Variants in HOMER1 observed in about 807,000 individuals in gnomAD.
HOMER1 encodes the protein homer scaffold protein 1, also known as homer protein homolog 1.
In HOMER1, 3 loss-of-function variants were observed where a neutral mutation model predicts 48.9. The observed-to-expected ratio is 0.06, with a 90% CI of 0.03 to 0.16. The LOEUF is 0.16. Among genes scored for constraint, HOMER1 ranks in the 10% least tolerant of loss-of-function variants. The pLI, the probability that HOMER1 is intolerant of heterozygous loss-of-function variation, is 1.00. For missense variants in HOMER1, 247 were observed against 411.4 expected (o/e 0.60, Z 3.46); for synonymous variants, 134 against 146.4 (o/e 0.92, Z 0.61).
At chr5:79,489,015 G>C (rs1752196309) in intron 1 of HOMER1, among the ~76,000 whole-genome samples, 1 of 152,148 alleles carries the variant, frequency 6.6e-6, no homozygotes, top group Non-Finnish European at 1.5e-5. Context: ...TTAATAATTT[G>C]AGTACCTAGT....
chr5:79,390,277 C>A (rs902316085), intron 8 of HOMER1, among the ~76,000 whole-genome samples: 3 of 151,940 alleles, frequency 2.0e-5, no homozygotes, highest in Non-Finnish European at 4.4e-5. Context: ...CAGAGTGAGA[C>A]TCTGTCTCAA....
chr5:79,429,805 C>G (rs1202022087), intron 5 of HOMER1, among the ~76,000 whole-genome samples: 1 of 152,112 alleles, frequency 6.6e-6, no homozygotes, highest in Non-Finnish European at 1.5e-5. Context: ...AGGTGGATCA[C>G]GAGGTCAGGA....
chr5:79,464,174 A>T (rs183695230), intron 1 of HOMER1, among the ~76,000 whole-genome samples: 2 of 152,288 alleles, frequency 1.3e-5, no homozygotes, highest in East Asian at 3.9e-4. Flanking sequence ...AAGACTGCCA[A>T]AGAATCAAAG....
intron 2 of HOMER1, among the ~76,000 whole-genome samples, chr5:79,454,656 A>C (rs1163391118): frequency 6.6e-6 from 1 of 152,232 alleles, no homozygotes; most frequent in Non-Finnish European, 1.5e-5. Flanking sequence ...TTAGTTACTT[A>C]TGTACAAGAC....
chr5:79,492,172 TAAC>T (rs1752295776), intron 1 of HOMER1, among the ~76,000 whole-genome samples: 2 of 152,230 alleles, frequency 1.3e-5, no homozygotes, highest in African/African-American at 4.8e-5. Context: ...AGGCCTCTTT[TAAC>T]TACTTCTGTC....
intron 1 of HOMER1, among the ~76,000 whole-genome samples, chr5:79,493,475 T>C (rs1752343307): frequency 1.3e-5 from 2 of 152,146 alleles, no homozygotes; most frequent in Non-Finnish European, 2.9e-5. Flanking sequence ...TGTTCACAGA[T>C]CTCATATACT....
intron 1 of HOMER1, among the ~76,000 whole-genome samples, chr5:79,492,810 AT>A (rs1393155388): frequency 6.6e-6 from 1 of 151,798 alleles, no homozygotes; most frequent in Non-Finnish European, 1.5e-5. Context: ...GGAAAAAGTG[AT>A]ACGTATATTA....
At chr5:79,486,332 G>C (rs1354579240) in intron 1 of HOMER1, among the ~76,000 whole-genome samples, 1 of 152,066 alleles carries the variant, frequency 6.6e-6, no homozygotes, top group Non-Finnish European at 1.5e-5. Context: ...TGTTGCAAGA[G>C]AGACAATGAG....
chr5:79,451,235 A>G lies in HOMER1; in HGVS notation c.163-114T>C, dbSNP rs575187288. ...GATTATCAATAAGCCACAACGTTAA[A>G]TACATAAAGATAGTTACAGAAATAG... On this transcript the variant is annotated intron_variant, in intron 2 of 8. Coordinates refer to ENST00000334082, the MANE Select transcript of HOMER1 (RefSeq NM_004272.5). 2.0e-4 allele frequency: 192 copies of G among 948,700 alleles called. 1 individual carries two copies. In the East Asian group the frequency reaches 4.0e-3, roughly 20 times the overall value. The allele number at this position is 948,700 out of a possible 1,614,324, so 58.8% of individuals were successfully genotyped here.
intron 5 of HOMER1, among the ~76,000 whole-genome samples, chr5:79,428,164 T>C (rs1288063257): frequency 6.6e-6 from 1 of 152,210 alleles, no homozygotes; most frequent in East Asian, 1.9e-4. Flanking sequence ...CATATTGCTC[T>C]ATTTGTCAAT....
intron 3 of HOMER1, among the ~76,000 whole-genome samples, chr5:79,447,445 G>A (rs1184065573): frequency 6.6e-6 from 1 of 152,154 alleles, no homozygotes; most frequent in Non-Finnish European, 1.5e-5. Flanking sequence ...ATAATTTACT[G>A]AGACCAAGGT....
chr5:79,497,728 T>C (rs985128237), intron 1 of HOMER1, among the ~76,000 whole-genome samples: 12 of 151,672 alleles, frequency 7.9e-5, no homozygotes, highest in Admixed American at 7.9e-4. Context: ...CTTCTAGTTT[T>C]TGCAACTTCA....
intron 1 of HOMER1, among the ~76,000 whole-genome samples, chr5:79,500,175 T>C (rs1406841783): frequency 6.6e-6 from 1 of 152,190 alleles, no homozygotes; most frequent in Non-Finnish European, 1.5e-5. Flanking sequence ...CTTGCACTTT[T>C]TGCAAAATAC....
intron 5 of HOMER1, among the ~76,000 whole-genome samples, chr5:79,410,399 G>A (rs959301853): frequency 5.3e-5 from 8 of 150,952 alleles, no homozygotes; most frequent in African/African-American, 2.0e-4. Context: ...GCTGAGGCAT[G>A]AGAATCGCTT....
At chr5:79,496,615 C>G (rs1752428030) in intron 1 of HOMER1, among the ~76,000 whole-genome samples, 2 of 152,118 alleles carry the variant, frequency 1.3e-5, no homozygotes, top group Admixed American at 1.3e-4. Context: ...TGAAGTCCAC[C>G]AGTGACAGGC....
intron 5 of HOMER1, among the ~76,000 whole-genome samples, chr5:79,418,625 T>C (rs537336155): frequency 2.7e-4 from 41 of 152,348 alleles, no homozygotes; most frequent in Middle Eastern, 3.4e-3. Context: ...GACATTGTCA[T>C]GTATGATATC....
chr5:79,493,996 T>C (rs996974902), intron 1 of HOMER1, among the ~76,000 whole-genome samples: 17 of 152,206 alleles, frequency 1.1e-4, no homozygotes, highest in African/African-American at 4.1e-4. Flanking sequence ...CCATTACTTA[T>C]CCAATCTAAT....
Position 79,373,503 on chromosome 5 carries a change from A to G in HOMER1, c.*2506T>C, listed in dbSNP as rs1580405470. 6.6e-6 allele frequency: 1 copy of G among 152,030 alleles called. No individual in the cohort carries two copies. The highest frequency in any genetic ancestry group is 1.9e-4 in the East Asian group (1 of 5,194). The allele number at this position is 152,030 out of a possible 1,614,324, so 9.4% of individuals were successfully genotyped here. ...CAGTATATAATACTTGTCTCTGGGAAAAATCAAATTTTAATATGCAAATGT... is the reference window on the plus strand; with the variant it reads ...CAGTATATAATACTTGTCTCTGGGAGAAATCAAATTTTAATATGCAAATGT... On this transcript the variant is annotated 3_prime_UTR_variant, in exon 9 of 9. Coordinates refer to ENST00000334082, the MANE Select transcript of HOMER1 (RefSeq NM_004272.5).
chr5:79,424,250 AT>A lies in HOMER1; in HGVS notation c.527+14759del, dbSNP rs975615167. On this transcript the variant is annotated intron_variant, in intron 5 of 8. Transcript: ENST00000334082. ...GGGAGGAAGTACCCTTTCTCTAAAT[AT>A]TTTAATCAAAAAATAACTTATTGGT... 4.6e-5 allele frequency among the ~76,000 whole-genome samples: 7 copies of A among 152,170 alleles called. No homozygotes were observed. The East Asian group carries it at 1.2e-3, about 25-fold the overall frequency.
Sources: allele counts gnomAD v4.1 joint callset (sites outside exome capture counted in the v4.1 genomes callset), GRCh38; gene constraint gnomAD v4.1.1; transcripts MANE v1.5; gene names NCBI Gene and HGNC (gene_info 2026-07-23, HGNC 2026-07-21).